The following ABI3BP variants were observed in gnomAD, a reference collection of about 807,000 sequenced individuals.
ABI3BP encodes ABI family member 3 binding protein, also known as target of Nesh-SH3.
A neutral mutation model predicts 268.6 loss-of-function variants in ABI3BP; 216 were observed. That is an observed-to-expected ratio of 0.80 (90% CI 0.72 to 0.90). The LOEUF is 0.90. Ranked by LOEUF, ABI3BP falls within the 40% of genes least tolerant of loss-of-function variation. The probability of loss-of-function intolerance (pLI) is 0.00; values close to 1 mark genes in which losing one functional copy is unlikely to be tolerated. For synonymous variants in ABI3BP, 730 were observed against 730.0 expected (o/e 1.00, Z 0.00); for missense variants, 2,090 against 2,182.4 (o/e 0.96, Z 0.84).
At chr3:100,945,702 A>G (rs1354234035) in intron 1 of ABI3BP, 2 of 432,104 alleles carry the variant, frequency 4.6e-6, no homozygotes, top group Non-Finnish European at 9.2e-6. Context: ...TGAATATATT[A>G]CATTTTATTT....
chr3:100,911,909 C>A, intron 2 of ABI3BP: 3 of 1,383,574 alleles, frequency 2.2e-6, no homozygotes, highest in East Asian at 2.3e-5. Context: ...CTATCACATT[C>A]TTTTTGACAT....
intron 5 of ABI3BP, 95 bp from the exon 6 acceptor site, chr3:100,885,683 C>T: frequency 1.5e-6 from 1 of 677,694 alleles, no homozygotes. Flanking sequence ...AACTCATCCT[C>T]TAACTTGGAT....
At chr3:100,778,566 C>T (rs935353348) in intron 58 of ABI3BP, 190 bp from the exon 59 acceptor site, 8 of 605,790 alleles carry the variant, frequency 1.3e-5, no homozygotes, top group African/African-American at 9.3e-5. Context: ...TGGTAATGTC[C>T]CCAGGGACAA....
intron 2 of ABI3BP, among the ~76,000 whole-genome samples, chr3:100,918,203 T>C (rs2059231214): frequency 6.6e-6 from 1 of 151,622 alleles, no homozygotes; most frequent in Non-Finnish European, 1.5e-5. Context: ...AAGAGAAAAA[T>C]CTATCTTAAA....
At chr3:100,874,808 T>A (rs2099144310) in intron 9 of ABI3BP, 33 bp downstream of exon 9, 1 of 1,338,556 alleles carries the variant, frequency 7.5e-7, no homozygotes, top group African/African-American at 1.4e-5. Flanking sequence ...ACTCAGTTAC[T>A]GCAAAGTTCA....
At chr3:100,834,837 T>C in intron 28 of ABI3BP, 64 bp from the exon 29 acceptor site, 4 of 1,414,326 alleles carry the variant, frequency 2.8e-6, no homozygotes, top group Non-Finnish European at 3.8e-6. Context: ...GGATTACACA[T>C]GGTTCTAGGT....
At chr3:100,763,685 T>A (rs1280496197) in intron 63 of ABI3BP, among the ~76,000 whole-genome samples, 1 of 152,086 alleles carries the variant, frequency 6.6e-6, no homozygotes, top group Non-Finnish European at 1.5e-5. Flanking sequence ...CTAAAACAAT[T>A]ACAACCAGAA....
intron 67 of ABI3BP, among the ~76,000 whole-genome samples, chr3:100,750,879 A>C (rs1319005): frequency 0.041 from 6,171 of 152,228 alleles, 375 homozygotes; most frequent in African/African-American, 0.13. Flanking sequence ...TATGTGTTCA[A>C]AGAACTTAGT....
chr3:100,762,534 C>CT (rs1314183645), intron 63 of ABI3BP, among the ~76,000 whole-genome samples: 2 of 152,214 alleles, frequency 1.3e-5, no homozygotes, highest in African/African-American at 2.4e-5. Context: ...ACTTGGTATG[C>CT]TTTTTTTATG....
chr3:100,814,392 GC>G, intron 44 of ABI3BP, among the ~76,000 whole-genome samples: 1 of 151,992 alleles, frequency 6.6e-6, no homozygotes, highest in African/African-American at 2.4e-5. Context: ...CATCCCCTTA[GC>G]CACCATTGAC....
chr3:100,959,287 G>A (rs1247609186), intron 1 of ABI3BP, among the ~76,000 whole-genome samples: 2 of 151,532 alleles, frequency 1.3e-5, no homozygotes, highest in African/African-American at 2.4e-5. Context: ...TCAGGAGATC[G>A]AGACCATCCT....
At chr3:100,968,857 A>C (rs1257112809) in intron 1 of ABI3BP, among the ~76,000 whole-genome samples, 1 of 151,978 alleles carries the variant, frequency 6.6e-6, no homozygotes, top group Non-Finnish European at 1.5e-5. Context: ...ACCCACTGAC[A>C]GGCCTCAGTG....
At chr3:100,863,069 A>G (rs1038218183) in intron 12 of ABI3BP, 160 bp from the exon 13 acceptor site, 5 of 580,408 alleles carry the variant, frequency 8.6e-6, no homozygotes, top group Non-Finnish European at 1.5e-5. Flanking sequence ...AATGTTGAAT[A>G]TAAGAAAGTT....
intron 57 of ABI3BP, among the ~76,000 whole-genome samples, chr3:100,780,967 CT>C (rs776899106): frequency 2.1e-3 from 318 of 152,222 alleles, no homozygotes; most frequent in Non-Finnish European, 3.9e-3. Context: ...ATAAAATAAT[CT>C]TCCTTGGTTT....
At chr3:100,991,165 G>A (rs1405729960) in intron 1 of ABI3BP, among the ~76,000 whole-genome samples, 1 of 152,052 alleles carries the variant, frequency 6.6e-6, no homozygotes, top group Non-Finnish European at 1.5e-5. Context: ...TAAATCCAAA[G>A]GTCTGGGAAT....
chr3:100,902,748 AC>A (rs2051055640), intron 2 of ABI3BP, 62 bp from the exon 3 acceptor site: 1 of 1,365,678 alleles, frequency 7.3e-7, no homozygotes, highest in African/African-American at 1.4e-5. Context: ...GAGGCAGCAC[AC>A]CCCTACCCTG....
intron 1 of ABI3BP, among the ~76,000 whole-genome samples, chr3:100,933,607 C>T (rs911490162): frequency 7.1e-6 from 1 of 140,724 alleles, no homozygotes; most frequent in Admixed American, 7.3e-5. Context: ...AAAAGGCAAG[C>T]TACCCATTGG....
In ABI3BP at chr3:100,818,550, G is replaced by C; in HGVS notation, c.3063C>G (p.Leu1021=). Reference sequence around the variant, plus strand: ...CCATGGTTTTTGGAGCTTCAGTTCTGAGAGTACCAGGTTCAAGATCTGTAG... The same window carrying C: ...CCATGGTTTTTGGAGCTTCAGTTCTCAGAGTACCAGGTTCAAGATCTGTAG... ...VPSTDLEPGT[L]RTEAPKTMVV... Residue 1021 remains leucine, a synonymous_variant, in exon 41 of 68, where the codon CTC becomes CTG. Transcript: ENST00000471714. 4.6e-6 allele frequency: 7 copies of C among 1,535,570 alleles called. No homozygotes were observed. The highest frequency in any genetic ancestry group is 4.9e-5 in the East Asian group (2 of 40,874).
intron 2 of ABI3BP, 130 bp from the exon 3 acceptor site, chr3:100,902,816 C>A: frequency 1.5e-6 from 1 of 654,752 alleles, no homozygotes. Context: ...TGAGAGGACC[C>A]AATAATCCGA....
Sources: allele counts gnomAD v4.1 joint callset (sites outside exome capture counted in the v4.1 genomes callset), GRCh38; gene constraint gnomAD v4.1.1; transcripts MANE v1.5; gene names NCBI Gene and HGNC (gene_info 2026-07-23, HGNC 2026-07-21).